Variants in CLSTN1 observed in about 807,000 individuals in gnomAD.
CLSTN1 encodes the protein calsyntenin 1, also known as calsyntenin-1.
Under a neutral mutation model 108.3 loss-of-function variants are expected in CLSTN1, and 28 were observed. The ratio of observed to expected loss-of-function variants is 0.26; its 90% CI spans 0.19 to 0.35. The LOEUF (loss-of-function observed/expected upper bound fraction) is 0.35, where lower values mean the gene tolerates loss of function less well. Ranked by LOEUF, CLSTN1 falls within the 10% of genes least tolerant of loss-of-function variation. The pLI is 1.00. For missense variants in CLSTN1, 1,157 were observed against 1,302.6 expected (o/e 0.89, Z 1.72); for synonymous variants, 524 against 534.9 (o/e 0.98, Z 0.28).
At chr1:9,809,366 T>C (rs1447538994) in intron 1 of CLSTN1, among the ~76,000 whole-genome samples, 1 of 152,190 alleles carries the variant, frequency 6.6e-6, no homozygotes, top group East Asian at 1.9e-4. Flanking sequence ...CTTCAATCTC[T>C]GCAGTCAGGC....
intron 1 of CLSTN1, among the ~76,000 whole-genome samples, chr1:9,780,161 C>A (rs55817140): frequency 0.012 from 1,789 of 152,258 alleles, 32 homozygotes; most frequent in African/African-American, 0.041. Context: ...GGCCTCCAAT[C>A]TTTCATTTTA....
intron 3 of CLSTN1, among the ~76,000 whole-genome samples, 189 bp from the exon 4 acceptor site, chr1:9,755,498 G>T (rs1651767808): frequency 1.3e-5 from 2 of 152,176 alleles, no homozygotes; most frequent in Non-Finnish European, 2.9e-5. Flanking sequence ...GCTTTAGTAA[G>T]ATGAAGCAGA....
chr1:9,735,301 C>CA, intron 13 of CLSTN1, 127 bp from the exon 14 acceptor site: 1 of 1,356,630 alleles, frequency 7.4e-7, no homozygotes, highest in African/African-American at 1.4e-5. Context: ...TCCAGGAACA[C>CA]ACTTGCAAAC....
At chr1:9,742,580 C>G (rs1352924727) in intron 9 of CLSTN1, among the ~76,000 whole-genome samples, 1 of 152,102 alleles carries the variant, frequency 6.6e-6, no homozygotes, top group African/African-American at 2.4e-5. Flanking sequence ...AAAATGTCCA[C>G]CTATGTTGCA....
rs895605821 is a variant in CLSTN1, at chr1:9,771,254, T to C, written c.214+2018A>G. ...TAGCACTTTGCAAGGCCAAGGCAGG[T>C]GGATCACCTGAGGCCAGGAGTTCGA... On this transcript the variant is annotated intron_variant, in intron 2 of 18. Transcript: ENST00000377298. Among the ~76,000 whole-genome samples the C allele has an allele frequency of 2.6e-5, 4 of 152,218 alleles. No homozygotes were observed. In the Middle Eastern group the frequency reaches 0.01, roughly 388 times the overall value.
chr1:9,773,722 A>G (rs1241777919), intron 1 of CLSTN1, among the ~76,000 whole-genome samples: 2 of 152,056 alleles, frequency 1.3e-5, no homozygotes, highest in Admixed American at 6.6e-5. Context: ...AGTTACAAAG[A>G]AAGGTATTTT....
At chr1:9,764,576 G>A (rs2101135650) in intron 2 of CLSTN1, among the ~76,000 whole-genome samples, 1 of 147,464 alleles carries the variant, frequency 6.8e-6, no homozygotes, top group South Asian at 2.2e-4. Context: ...GGCAGAGGTT[G>A]CAGTGAGCTG....
At chr1:9,753,617 G>A (rs1471684893) in intron 4 of CLSTN1, among the ~76,000 whole-genome samples, 23 of 151,522 alleles carry the variant, frequency 1.5e-4, no homozygotes, top group Admixed American at 1.5e-3. Flanking sequence ...TCAGCCTCCC[G>A]AGAAGCAGGG....
intron 1 of CLSTN1, among the ~76,000 whole-genome samples, chr1:9,777,614 A>G (rs1038476274): frequency 2.0e-5 from 3 of 152,204 alleles, no homozygotes; most frequent in African/African-American, 7.2e-5. Flanking sequence ...CACATAAACA[A>G]TATTTTTATG....
chr1:9,783,079 T>C (rs778513381), intron 1 of CLSTN1, among the ~76,000 whole-genome samples: 22 of 152,178 alleles, frequency 1.4e-4, no homozygotes, highest in Admixed American at 2.0e-4. Context: ...AGCAGGTTGG[T>C]TGCAGAGCCC....
intron 17 of CLSTN1, 89 bp from the exon 18 acceptor site, chr1:9,731,479 CGG>C: frequency 7.3e-6 from 10 of 1,377,902 alleles, no homozygotes; most frequent in Non-Finnish European, 1.0e-5. Context: ...CTGGTCAAAA[CGG>C]GCTGGACAGC....
intron 7 of CLSTN1, among the ~76,000 whole-genome samples, chr1:9,747,026 A>G (rs894179860): frequency 2.6e-5 from 4 of 151,742 alleles, no homozygotes; most frequent in African/African-American, 9.7e-5. Flanking sequence ...CTAAACATAC[A>G]AAAAGTAGCC....
chr1:9,772,236 C>T (rs1308455545), intron 2 of CLSTN1, among the ~76,000 whole-genome samples: 4 of 150,922 alleles, frequency 2.7e-5, no homozygotes, highest in South Asian at 4.2e-4. Context: ...CCGCCCGCCT[C>T]GGCCTCCCAG....
intron 1 of CLSTN1, among the ~76,000 whole-genome samples, chr1:9,790,526 T>C (rs988287677): frequency 1.3e-5 from 2 of 151,568 alleles, no homozygotes; most frequent in African/African-American, 4.8e-5. Context: ...TTGATTTGAT[T>C]TTTGTTGAGG....
chr1:9,773,162 T>C, intron 2 of CLSTN1, 110 bp downstream of exon 2: 1 of 1,433,216 alleles, frequency 7.0e-7, no homozygotes, highest in Non-Finnish European at 9.6e-7. Flanking sequence ...CAAATAACCC[T>C]CAGCTATGGA....
In CLSTN1 at chr1:9,807,866, C is replaced by T. The variant is rs574322321; in HGVS notation, c.91+15777G>A. Among the ~76,000 whole-genome samples, 9 of 152,376 alleles carry T rather than the reference C, an allele frequency of 5.9e-5. No homozygotes were observed. The East Asian group carries it at 1.2e-3, about 20-fold the overall frequency. Reference sequence around the variant, plus strand: ...CTCCCTCCTTTTCTTCTCACTGGCTCGGTCACCTAGGACCCCAGGAACTAG... The same window carrying T: ...CTCCCTCCTTTTCTTCTCACTGGCTTGGTCACCTAGGACCCCAGGAACTAG... On this transcript the variant is annotated intron_variant, in intron 1 of 18. Coordinates refer to ENST00000377298, the MANE Select transcript of CLSTN1 (RefSeq NM_001009566.3).
chr1:9,807,643 C>T (rs865776130), intron 1 of CLSTN1, among the ~76,000 whole-genome samples: 5 of 152,242 alleles, frequency 3.3e-5, no homozygotes, highest in South Asian at 2.1e-4. Context: ...CCCTGAAAGG[C>T]GTGGCCACCG....
chr1:9,798,800 T>C (rs1654126581), intron 1 of CLSTN1, among the ~76,000 whole-genome samples: 1 of 152,024 alleles, frequency 6.6e-6, no homozygotes, highest in South Asian at 2.1e-4. Context: ...TAATAACAAG[T>C]AAAAAAGCCA....
intron 2 of CLSTN1, among the ~76,000 whole-genome samples, chr1:9,756,892 C>T (rs1651839181): frequency 6.6e-6 from 1 of 151,984 alleles, no homozygotes; most frequent in African/African-American, 2.4e-5. Flanking sequence ...CATTCTCCTG[C>T]CTCAGCCTCC....
Sources: allele counts gnomAD v4.1 joint callset (sites outside exome capture counted in the v4.1 genomes callset), GRCh38; gene constraint gnomAD v4.1.1; transcripts MANE v1.5; gene names NCBI Gene and HGNC (gene_info 2026-07-23, HGNC 2026-07-21).